Variants in LRP1B observed in about 807,000 individuals in gnomAD.
The protein encoded by LRP1B is LDL receptor related protein 1B, also known as low-density lipoprotein receptor-related protein 1B.
Under a neutral mutation model 556.6 loss-of-function variants are expected in LRP1B, and 217 were observed. The observed-to-expected ratio is 0.39, with a 90% confidence interval of 0.35 to 0.44. The LOEUF (loss-of-function observed/expected upper bound fraction) is 0.44, where lower values mean the gene tolerates loss of function less well. Among genes scored for constraint, LRP1B ranks in the 20% least tolerant of loss-of-function variants. The probability of loss-of-function intolerance (pLI) is 1.00; values close to 1 mark genes in which losing one functional copy is unlikely to be tolerated. For synonymous variants in LRP1B, 2,047 were observed against 1,865.8 expected (o/e 1.10, Z -2.50); for missense variants, 5,053 against 5,620.8 (o/e 0.90, Z 3.23).
chr2:142,021,201 A>G (rs1394029122), intron 1 of LRP1B, among the ~76,000 whole-genome samples: 1 of 152,212 alleles, frequency 6.6e-6, no homozygotes, highest in African/African-American at 2.4e-5. Flanking sequence ...AAAATTATAA[A>G]TGAAGGATGC....
At chr2:141,273,003 G>T (rs762776004) in intron 3 of LRP1B, among the ~76,000 whole-genome samples, 6 of 152,084 alleles carry the variant, frequency 3.9e-5, no homozygotes, top group Admixed American at 3.9e-4. Context: ...TCCAACAATA[G>T]CAGAATACCT....
intron 35 of LRP1B, among the ~76,000 whole-genome samples, chr2:140,730,553 T>TTTTTG (rs1316457943): frequency 5.3e-5 from 8 of 152,082 alleles, no homozygotes; most frequent in East Asian, 3.9e-4. Context: ...ATATTCAATT[T>TTTTTG]TTTTGTTTTG....
chr2:140,546,000 T>TTGTGTG (rs148045904), intron 43 of LRP1B, among the ~76,000 whole-genome samples: 8,139 of 142,632 alleles, frequency 0.057, 261 homozygotes, highest in East Asian at 0.093. Context: ...TATTATTAGG[T>TTGTGTG]TGTGTGTGTG....
chr2:140,342,948 A>T (rs1243022318), intron 77 of LRP1B, among the ~76,000 whole-genome samples: 1 of 151,626 alleles, frequency 6.6e-6, no homozygotes, highest in African/African-American at 2.4e-5. Flanking sequence ...CTACATAAGA[A>T]GTAAATCTTC....
At chr2:141,458,453 C>T (rs957098876) in intron 3 of LRP1B, among the ~76,000 whole-genome samples, 11 of 152,272 alleles carry the variant, frequency 7.2e-5, no homozygotes, top group African/African-American at 2.4e-4. Context: ...GTGTCATTCT[C>T]TCTAGGGCGT....
At chr2:141,636,119 AAAG>A (rs1221584681) in intron 2 of LRP1B, among the ~76,000 whole-genome samples, 2 of 152,154 alleles carry the variant, frequency 1.3e-5, no homozygotes, top group Non-Finnish European at 2.9e-5. Flanking sequence ...AAAAGATATG[AAAG>A]AAGAACCCTG....
intron 15 of LRP1B, among the ~76,000 whole-genome samples, chr2:140,998,333 T>C (rs926664972): frequency 6.6e-5 from 10 of 152,114 alleles, no homozygotes; most frequent in African/African-American, 2.4e-4. Flanking sequence ...ATAATCTTGC[T>C]GGAGTTTTTG....
rs543780744 is a variant in LRP1B at position 140,515,282 on chromosome 2, A to G, written c.8150-510T>C. 1.8e-3 allele frequency among the ~76,000 whole-genome samples: 277 copies of G among 152,096 alleles called. 2 individuals are homozygous for G. Among genetic ancestry groups the G allele is most frequent in the African/African-American group, 6.2e-3 (257 of 41,540 alleles). ...ACAACCTGACAGTTTTGTACGTAGC[A>G]ACTGTGCTGATGTTTTTGTGTTGCT... On this transcript the variant is annotated intron_variant, in intron 50 of 90. Coordinates refer to ENST00000389484, the MANE Select transcript of LRP1B (RefSeq NM_018557.3).
intron 1 of LRP1B, among the ~76,000 whole-genome samples, chr2:141,855,509 A>G (rs189446021): frequency 5.3e-5 from 8 of 152,262 alleles, no homozygotes; most frequent in Non-Finnish European, 1.2e-4. Context: ...CCAAGCTCAT[A>G]CATGCTTTAG....
chr2:140,715,073 A>G (rs1188905799), intron 37 of LRP1B, among the ~76,000 whole-genome samples: 1 of 152,150 alleles, frequency 6.6e-6, no homozygotes, highest in African/African-American at 2.4e-5. Context: ...AGAATAAGAA[A>G]TATTTTAAAA....
intron 41 of LRP1B, among the ~76,000 whole-genome samples, chr2:140,603,861 G>T (rs750426501): frequency 3.3e-5 from 5 of 151,946 alleles, no homozygotes; most frequent in Non-Finnish European, 7.4e-5. Flanking sequence ...TTAACAAAAA[G>T]CCAATTAAAA....
At chr2:140,936,482 A>C (rs924594783) in intron 20 of LRP1B, among the ~76,000 whole-genome samples, 1 of 152,144 alleles carries the variant, frequency 6.6e-6, no homozygotes, top group Non-Finnish European at 1.5e-5. Context: ...CCAGATGAAC[A>C]GATGAACAAA....
chr2:141,682,056 A>G (rs1380106360), intron 2 of LRP1B, among the ~76,000 whole-genome samples: 1 of 152,078 alleles, frequency 6.6e-6, no homozygotes, highest in African/African-American at 2.4e-5. Flanking sequence ...TCGAAGCAAA[A>G]GTGAATAGAA....
At chr2:140,353,214 TGTCATATTTTTGAAG>T (rs1302875015) in intron 75 of LRP1B, 142 bp from the exon 76 acceptor site, 2 of 746,206 alleles carry the variant, frequency 2.7e-6, no homozygotes, top group Non-Finnish European at 4.3e-6. Context: ...TGACCTGCTG[TGTCATATTTTTGAAG>T]GTATAATCAT....
intron 2 of LRP1B, among the ~76,000 whole-genome samples, chr2:141,651,557 C>T (rs955612803): frequency 5.3e-5 from 8 of 152,066 alleles, no homozygotes; most frequent in Non-Finnish European, 1.2e-4. Flanking sequence ...ACCAACTACT[C>T]AGGAGGCTGA....
chr2:141,364,568 T>C (rs1688951268), intron 3 of LRP1B, among the ~76,000 whole-genome samples: 2 of 152,172 alleles, frequency 1.3e-5, no homozygotes, highest in Admixed American at 6.5e-5. Flanking sequence ...CTAAGTAACA[T>C]ATAGAAGGCA....
In LRP1B at chr2:140,232,501, T is replaced by C. The variant is rs1397058707; in HGVS notation, c.*685A>G. The C allele has an allele frequency of 3.3e-5, 5 of 151,818 alleles. No individual in the cohort carries two copies. The highest frequency in any genetic ancestry group is 1.2e-4 in the African/African-American group (5 of 41,344). The allele number at this position is 151,818 out of a possible 1,614,324, so 9.4% of individuals were successfully genotyped here. On this transcript the variant is annotated 3_prime_UTR_variant, in exon 91 of 91. Coordinates refer to ENST00000389484, the MANE Select transcript of LRP1B (RefSeq NM_018557.3). ...ATGTTCTACCACCTAAATATAACTA[T>C]TGCTTACAAGGTGTATACATTTAGT...
intron 19 of LRP1B, among the ~76,000 whole-genome samples, chr2:140,950,932 A>C (rs1695696083): frequency 6.6e-6 from 1 of 152,012 alleles, no homozygotes; most frequent in African/African-American, 2.4e-5. Flanking sequence ...CTTTGATTTA[A>C]TATCAACTGC....
At chr2:141,945,178 A>G (rs999807738) in intron 1 of LRP1B, among the ~76,000 whole-genome samples, 2 of 152,054 alleles carry the variant, frequency 1.3e-5, no homozygotes, top group East Asian at 1.9e-4. Context: ...CACATTCTTT[A>G]TGCTTTACAT....
Sources: allele counts gnomAD v4.1 joint callset (sites outside exome capture counted in the v4.1 genomes callset), GRCh38; gene constraint gnomAD v4.1.1; transcripts MANE v1.5; gene names NCBI Gene and HGNC (gene_info 2026-07-23, HGNC 2026-07-21).